Variants in CASP1 observed in about 807,000 individuals in gnomAD.
CASP1 encodes the protein caspase 1.
A neutral mutation model predicts 41.2 loss-of-function variants in CASP1; 31 were observed. The observed-to-expected ratio is 0.75, with a 90% CI of 0.57 to 1.02. The LOEUF is 1.02. Ranked by LOEUF, CASP1 falls within the 50% of genes least tolerant of loss-of-function variation. CASP1 has a pLI of 0.00. For missense variants in CASP1, 490 were observed against 495.7 expected (o/e 0.99, Z 0.11); for synonymous variants, 163 against 166.5 (o/e 0.98, Z 0.16).
chr11:105,028,618 A>G (rs1398651702), intron 7 of CASP1, among the ~76,000 whole-genome samples: 1 of 152,168 alleles, frequency 6.6e-6, no homozygotes, highest in African/African-American at 2.4e-5. Flanking sequence ...GGGTCAGTCA[A>G]TAATAGCAAG....
chr11:105,027,809 G>T (rs1863415123), intron 7 of CASP1, among the ~76,000 whole-genome samples: 1 of 152,088 alleles, frequency 6.6e-6, no homozygotes, highest in African/African-American at 2.4e-5. Context: ...GTGAAATTAA[G>T]GAAGTAGATA....
At chr11:105,029,026 G>C (rs1591194978) in intron 7 of CASP1, 98 bp downstream of exon 7, 1 of 1,115,284 alleles carries the variant, frequency 9.0e-7, no homozygotes, top group African/African-American at 1.6e-5. Flanking sequence ...AACAAAGCTT[G>C]AGTTGGTCTT....
Position 105,034,363 on chromosome 11 carries a change from A to T in CASP1, c.119T>A (p.Met40Lys). 1 of 1,614,064 alleles carries T rather than the reference A, an allele frequency of 6.2e-7. No individual in the cohort carries two copies. ...AGCATTTTCACGTTTTACTTTCTCC[A>T]TCTCTTCCTTGTTCAGCACCCTTGT... ...LQTRVLNKEE[M>K]EKVKRENATV... The change falls in exon 2 of 9, where the codon ATG (methionine) becomes AAG (lysine). Residue 40 changes from methionine to lysine, a missense_variant. Transcript: ENST00000533400.
rs777404332 is a variant in CASP1, at chr11:105,035,059, A to C, written c.7+48T>G. ...CTTCCAGAAGAGCCAGCCCCTTCCA[A>C]AACTCTTTCTTCCCAGGGACCTGTT... On this transcript the variant is annotated intron_variant, in intron 1 of 8. Transcript: ENST00000533400. The C allele has an allele frequency of 4.6e-5, 74 of 1,611,654 alleles. 1 individual carries two copies. In the East Asian group the frequency reaches 7.1e-4, roughly 16 times the overall value.
intron 3 of CASP1, 81 bp downstream of exon 3, chr11:105,032,982 AT>A: frequency 1.2e-6 from 1 of 841,822 alleles, no homozygotes. Context: ...TCCATAGCCC[AT>A]TTACCCACGT....
chr11:105,034,894 C>T (rs935185921), intron 1 of CASP1, among the ~76,000 whole-genome samples: 1 of 152,200 alleles, frequency 6.6e-6, no homozygotes, highest in Non-Finnish European at 1.5e-5. Context: ...TGACATCAGG[C>T]TTCCCCTAAA....
At position 105,026,004 on chromosome 11, in the gene CASP1, G is replaced by A. The variant is rs1405508629; in HGVS notation, c.*254C>T. On this transcript the variant is annotated 3_prime_UTR_variant, in exon 9 of 9. Transcript: ENST00000533400. ...ATTGGAATTCAGCTGTATACTTACT[G>A]GTTTAGCATCCCTAATCCAAAAACC... 1.1e-5 allele frequency: 4 copies of A among 378,142 alleles called. No individual in the cohort carries two copies. Among genetic ancestry groups the A allele is most frequent in the African/African-American group, 8.3e-5 (4 of 48,188 alleles). The allele number at this position is 378,142 out of a possible 1,614,324, so 23.4% of individuals were successfully genotyped here.
At chr11:105,027,281 T>G (rs556205) in intron 7 of CASP1, 51,960 of 529,358 alleles carry the variant, frequency 0.098, 3,222 homozygotes, top group Admixed American at 0.23. Context: ...ACCCAGGATA[T>G]GCAATACTCA....
At chr11:105,033,770 G>A (rs1863841989) in intron 2 of CASP1, 3 of 399,036 alleles carry the variant, frequency 7.5e-6, no homozygotes, top group Admixed American at 6.6e-5. Flanking sequence ...TCTTTTGGGA[G>A]GGTAAAATTT....
chr11:105,032,256 T>C (rs1021837698), intron 3 of CASP1, among the ~76,000 whole-genome samples: 5 of 152,178 alleles, frequency 3.3e-5, no homozygotes, highest in Admixed American at 3.3e-4. Context: ...TAATCATTTG[T>C]TGGATAAAAT....
chr11:105,027,031 G>A lies in CASP1; in HGVS notation c.1007-80C>T, dbSNP rs1043768662. On this transcript the variant is annotated intron_variant, in intron 7 of 8. Coordinates refer to ENST00000533400, the MANE Select transcript of CASP1 (RefSeq NM_001257118.3). ...AAGAAACCCTAGTATTTATACTCCA[G>A]CTGAGGGATGTTTGAAATCATAAAT... The A allele has an allele frequency of 6.1e-6, 5 of 818,372 alleles. No homozygotes were observed. In the Middle Eastern group the frequency reaches 9.1e-4, roughly 149 times the overall value. 50.7% of individuals were successfully genotyped at this position (818,372 alleles called of 1,614,324 possible).
Position 105,026,158 on chromosome 11 carries a change from T to G in CASP1, c.*100A>C. The G allele has an allele frequency of 1.4e-6, 1 of 725,412 alleles. No homozygotes were observed. The highest frequency in any genetic ancestry group is 2.3e-6 in the Non-Finnish European group (1 of 426,870). The allele number at this position is 725,412 out of a possible 1,614,324, so 44.9% of individuals were successfully genotyped here. A position where few individuals can be genotyped will look rare whatever the true frequency, so the allele number is the denominator to read the frequency against. ...GATTCTCAGCCTGTAAACCTAGAGT[T>G]CTTGACTCAAATGGACTTTCAGTAC... On this transcript the variant is annotated 3_prime_UTR_variant, in exon 9 of 9. Transcript: ENST00000533400.
chr11:105,029,861 T>C lies in CASP1; in HGVS notation c.666A>G (p.Pro222=). The C allele has an allele frequency of 1.2e-6, 2 of 1,613,802 alleles. No individual in the cohort carries two copies. The highest frequency in any genetic ancestry group is 1.7e-6 in the Non-Finnish European group (2 of 1,179,750). Residue 222 remains proline (P), a synonymous_variant, in exon 6 of 9, where the codon CCA becomes CCG. Transcript: ENST00000533400. The part of the protein sequence containing the change: ...TTELEAFAHR[P]EHKTSDSTFL... ...ACGTGCTGTCAGAGGTCTTGTGCTC[T>C]GGGCGGTGTGCAAATGCCTCCAGCT...
At chr11:105,027,388 A>C (rs1295607603) in intron 7 of CASP1, among the ~76,000 whole-genome samples, 1 of 152,164 alleles carries the variant, frequency 6.6e-6, no homozygotes, top group Non-Finnish European at 1.5e-5. Context: ...ATATTTACAC[A>C]CAAAAAGTTA....
Position 105,033,937 on chromosome 11 carries a change from C to A in CASP1, c.274+271G>T, listed in dbSNP as rs369414538. The A allele has an allele frequency of 6.7e-6, 5 of 743,642 alleles. No individual in the cohort carries two copies. The African/African-American group carries it at 6.8e-5, about 10-fold the overall frequency. The allele number at this position is 743,642 out of a possible 1,614,324, so 46.1% of individuals were successfully genotyped here. ...GAACACTGGAAAACACAGCATGAAG[C>A]TTTTCAGATGGTTCTCAAGAGCTTC... On this transcript the variant is annotated intron_variant, in intron 2 of 8. Transcript: ENST00000533400.
intron 8 of CASP1, chr11:105,026,624 C>CG (rs1235738981): frequency 3.3e-6 from 2 of 599,602 alleles, no homozygotes; most frequent in African/African-American, 3.7e-5. Flanking sequence ...AGGGCAGGAG[C>CG]GGGGTGAAAC....
At chr11:105,035,618 G>GTTTTTTTTTTTTTTTT (rs56746743), upstream of CASP1, among the ~76,000 whole-genome samples, 282 of 103,396 alleles carry the variant, frequency 2.7e-3, 13 homozygotes, top group Middle Eastern at 7.1e-3. Context: ...TTTTCTTTCT[G>GTTTTTTTTTTTTTTTT]TTTTTTTTTT....
intron 7 of CASP1, 61 bp from the exon 8 acceptor site, chr11:105,027,012 C>T (rs1329486566): frequency 3.2e-6 from 3 of 949,998 alleles, no homozygotes; most frequent in African/African-American, 3.2e-5. Flanking sequence ...AGAGAAGAAA[C>T]CCTAGTATTT....
In CASP1 at chr11:105,029,668, C is replaced by T; in HGVS notation, c.859G>A (p.Gly287Ser). 1 of 1,611,242 alleles carries T rather than the reference C, an allele frequency of 6.2e-7. No homozygotes were observed. The highest frequency in any genetic ancestry group is 8.5e-7 in the Non-Finnish European group (1 of 1,177,660). ...PKVIIIQACR[G>S]DSPGVVWFKD... The stretch of plus-strand genomic sequence containing the variant: ...TCTCAAAGGCATCAGCACTCACCAC[C>T]ACGGCAGGCCTGGATGATGATCACC... Residue 287 changes from glycine (G) to serine (S), a missense_variant, in exon 6 of 9, where the codon GGT (glycine) becomes AGT (serine). By Grantham distance (56) the Gly-to-Ser change is moderately conservative (BLOSUM62 0). Transcript: ENST00000533400.
Sources: allele counts gnomAD v4.1 joint callset (sites outside exome capture counted in the v4.1 genomes callset), GRCh38; gene constraint gnomAD v4.1.1; transcripts MANE v1.5; gene names NCBI Gene and HGNC (gene_info 2026-07-23, HGNC 2026-07-21).